Variants in COL4A1 observed in about 807,000 individuals in gnomAD.
COL4A1 encodes the protein collagen alpha-1(IV) chain.
A neutral mutation model predicts 216.6 loss-of-function variants in COL4A1; 40 were observed. The observed-to-expected ratio is 0.18, with a 90% CI of 0.14 to 0.24. The LOEUF (loss-of-function observed/expected upper bound fraction) is 0.24, where lower values mean the gene tolerates loss of function less well. COL4A1 is among the 10% of genes least tolerant of loss of function. The pLI is 1.00. For missense variants in COL4A1, 1,628 were observed against 2,196.8 expected (o/e 0.74, Z 5.18); for synonymous variants, 839 against 810.7 (o/e 1.03, Z -0.59).
Position 110,211,669 on chromosome 13 carries a change from G to A in COL4A1, c.446C>T (p.Pro149Leu). Residue 149 changes from proline to leucine, a missense_variant, in exon 8 of 52, where the codon CCA becomes CTA. Coordinates refer to ENST00000375820, the MANE Select transcript of COL4A1 (RefSeq NM_001845.6). This position sits in a 1 kb window ranked among gnomAD's most constrained non-coding sequence, Gnocchi z 4.3. Reference sequence around the variant, plus strand: ...TACCTTCATCCCTGGTAAGCCTGGTGGTCCCTAAAAAAGAAAGTTTTGGTG... The same window carrying A: ...TACCTTCATCCCTGGTAAGCCTGGTAGTCCCTAAAAAAGAAAGTTTTGGTG... ...GLPGFAGNPG[P>L]PGLPGMKGDP... 5 of 1,611,088 alleles carry A rather than the reference G, an allele frequency of 3.1e-6. No individual in the cohort carries two copies. Among genetic ancestry groups the A allele is most frequent in the Non-Finnish European group, 4.2e-6 (5 of 1,178,940 alleles).
At chr13:110,239,262 C>T (rs1252514264) in intron 2 of COL4A1, among the ~76,000 whole-genome samples, 1 of 152,118 alleles carries the variant, frequency 6.6e-6, no homozygotes, top group Non-Finnish European at 1.5e-5. Flanking sequence ...GACATTTTGT[C>T]CATTCTGTCA....
chr13:110,236,279 A>G (rs1881312558), intron 2 of COL4A1, among the ~76,000 whole-genome samples: 1 of 152,240 alleles, frequency 6.6e-6, no homozygotes, highest in Admixed American at 6.5e-5. Context: ...AACAGACTGG[A>G]AAATCTGTCC....
At chr13:110,260,095 T>C (rs1397813575) in intron 1 of COL4A1, among the ~76,000 whole-genome samples, 1 of 152,204 alleles carries the variant, frequency 6.6e-6, no homozygotes, top group Non-Finnish European at 1.5e-5. Context: ...TGTATTAGTC[T>C]GTTCTCACAC....
intron 24 of COL4A1, among the ~76,000 whole-genome samples, chr13:110,187,708 G>A (rs1878463727): frequency 6.6e-6 from 1 of 152,112 alleles, no homozygotes; most frequent in Admixed American, 6.5e-5. Flanking sequence ...GTGGTTCATT[G>A]TGCAGCTTCA....
At chr13:110,218,690 T>G (rs1021947116) in intron 2 of COL4A1, among the ~76,000 whole-genome samples, 8 of 152,176 alleles carry the variant, frequency 5.3e-5, no homozygotes, top group African/African-American at 1.9e-4. Flanking sequence ...CCCGTCGCCT[T>G]TGCAGTCCAA....
chr13:110,162,779 C>T (rs751418518), intron 47 of COL4A1, among the ~76,000 whole-genome samples: 5 of 152,132 alleles, frequency 3.3e-5, no homozygotes, highest in African/African-American at 4.8e-5. Context: ...AAATGAATGA[C>T]GTGACTCTGT....
intron 2 of COL4A1, among the ~76,000 whole-genome samples, chr13:110,225,623 T>A (rs1880702895): frequency 6.6e-6 from 1 of 152,186 alleles, no homozygotes; most frequent in Non-Finnish European, 1.5e-5. Flanking sequence ...AATATTTTCA[T>A]GAGTGACTCA....
At chr13:110,154,263 T>C (rs1199974177) in intron 50 of COL4A1, among the ~76,000 whole-genome samples, 1 of 152,210 alleles carries the variant, frequency 6.6e-6, no homozygotes, top group Non-Finnish European at 1.5e-5. Flanking sequence ...ATATATTCAA[T>C]CAATACTGCC....
intron 1 of COL4A1, 30 bp from the exon 2 acceptor site, chr13:110,242,764 G>A: frequency 6.2e-7 from 1 of 1,612,534 alleles, no homozygotes; most frequent in Non-Finnish European, 8.5e-7. Flanking sequence ...TCTTTAAATA[G>A]AAGAACACTT....
rs532353490 is a variant in COL4A1, at chr13:110,283,512, G to A, written c.84+23432C>T. Reference sequence around the variant, plus strand: ...CCCATAGGCACACGCACACTCTCACGCACACACACGCACATGTGCACCTGC... The same window carrying A: ...CCCATAGGCACACGCACACTCTCACACACACACACGCACATGTGCACCTGC... On this transcript the variant is annotated intron_variant, in intron 1 of 51. Transcript: ENST00000375820. Among the ~76,000 whole-genome samples, 18 of 152,276 alleles carry A rather than the reference G, an allele frequency of 1.2e-4. No homozygotes were observed. The South Asian group carries it at 1.7e-3, about 14-fold the overall frequency.
intron 1 of COL4A1, among the ~76,000 whole-genome samples, chr13:110,260,874 A>G (rs923158488): frequency 2.6e-5 from 4 of 151,478 alleles, no homozygotes; most frequent in Admixed American, 6.6e-5. Context: ...CGTCTCTACT[A>G]AAAATACAAA....
At chr13:110,203,209 T>C (rs1879326372) in intron 18 of COL4A1, among the ~76,000 whole-genome samples, 2 of 151,434 alleles carry the variant, frequency 1.3e-5, no homozygotes, top group Non-Finnish European at 2.9e-5. Flanking sequence ...CAAGACTCCA[T>C]TTCAAAAAAA....
At chr13:110,228,231 C>T (rs1235775809) in intron 2 of COL4A1, among the ~76,000 whole-genome samples, 13 of 52,546 alleles carry the variant, frequency 2.5e-4, no homozygotes, top group Admixed American at 1.8e-3. Flanking sequence ...AGTGGTGGTG[C>T]GGGGGCGGGG....
chr13:110,162,798 T>C (rs1432236936), intron 47 of COL4A1, among the ~76,000 whole-genome samples: 1 of 152,234 alleles, frequency 6.6e-6, no homozygotes, highest in East Asian at 1.9e-4. Context: ...GTGCATGTCA[T>C]TCACACGGAA....
intron 2 of COL4A1, among the ~76,000 whole-genome samples, chr13:110,215,574 A>AAC (rs955316437): frequency 1.6e-5 from 2 of 125,212 alleles, no homozygotes; most frequent in African/African-American, 6.4e-5. Context: ...AAAAAAAAAA[A>AAC]AACAACAACC....
intron 1 of COL4A1, among the ~76,000 whole-genome samples, chr13:110,245,718 C>T (rs933893923): frequency 7.9e-5 from 12 of 152,168 alleles, no homozygotes; most frequent in African/African-American, 2.9e-4. Context: ...CTTCCATTGC[C>T]TGGGACTGCA....
At chr13:110,271,447 A>T (rs1232601201) in intron 1 of COL4A1, among the ~76,000 whole-genome samples, 1 of 152,220 alleles carries the variant, frequency 6.6e-6, no homozygotes, top group African/African-American at 2.4e-5. Flanking sequence ...AACTGGCATC[A>T]CACACCTCCC....
intron 1 of COL4A1, among the ~76,000 whole-genome samples, chr13:110,284,320 C>T (rs963020186): frequency 5.3e-5 from 8 of 152,204 alleles, no homozygotes; most frequent in African/African-American, 1.9e-4. Flanking sequence ...ACAAGCATCT[C>T]TCTAACATCT....
intron 2 of COL4A1, among the ~76,000 whole-genome samples, chr13:110,215,529 C>G (rs1212082630): frequency 6.8e-6 from 1 of 146,688 alleles, no homozygotes; most frequent in Non-Finnish European, 1.5e-5. Flanking sequence ...CCACTGCACT[C>G]TAGCCTGGGA....
Sources: gnomAD v4.1 joint callset for allele counts (sites outside exome capture counted in the v4.1 genomes callset) on GRCh38, gnomAD v4.1.1 for gene constraint, Gnocchi (gnomAD v3.1) non-coding constraint, MANE v1.5 for transcripts, NCBI Gene and HGNC (gene_info 2026-07-23, HGNC 2026-07-21) for gene names.